The following HERC1 variants were observed in gnomAD, a reference collection of about 807,000 sequenced individuals.
The protein encoded by HERC1 is probable E3 ubiquitin-protein ligase HERC1.
HERC1 carries 160 observed loss-of-function variants against 554.3 expected under a neutral mutation model. That is an observed-to-expected ratio of 0.29 (90% CI 0.25 to 0.33). The LOEUF (loss-of-function observed/expected upper bound fraction) is 0.33, where lower values mean the gene tolerates loss of function less well. Ranked by LOEUF, HERC1 falls within the 10% of genes least tolerant of loss-of-function variation. The pLI, the probability that HERC1 is intolerant of heterozygous loss-of-function variation, is 1.00. For synonymous variants in HERC1, 2,175 were observed against 2,131.7 expected, an observed-to-expected ratio of 1.02 and a Z score of -0.56; for missense variants, 4,919 against 5,918.5, an observed-to-expected ratio of 0.83 and a Z score of 5.54.
chr15:63,827,108 T>C (rs565371356), intron 1 of HERC1, among the ~76,000 whole-genome samples: 1 of 151,944 alleles, frequency 6.6e-6, no homozygotes, highest in African/African-American at 2.4e-5. Flanking sequence ...TTAAGAAACA[T>C]CTACACAGTC....
At chr15:63,662,725 C>G (rs1393233161) in intron 44 of HERC1, among the ~76,000 whole-genome samples, 1 of 152,118 alleles carries the variant, frequency 6.6e-6, no homozygotes, top group Admixed American at 6.5e-5. Flanking sequence ...ACATCAGAAT[C>G]AAATATTACC....
intron 58 of HERC1, 150 bp downstream of exon 58, chr15:63,643,254 A>C (rs1321406164): frequency 4.6e-6 from 4 of 865,746 alleles, no homozygotes; most frequent in Non-Finnish European, 7.0e-6. Context: ...CAGTAAGAAA[A>C]ATGTAAGGGC....
At chr15:63,816,557 T>C (rs182325388) in intron 1 of HERC1, among the ~76,000 whole-genome samples, 103 of 152,352 alleles carry the variant, frequency 6.8e-4, no homozygotes, top group Non-Finnish European at 1.3e-3. Context: ...AGTGACCAGC[T>C]CCATACTCTA....
Position 63,609,031 on chromosome 15 carries a change from G to C in HERC1, c.*50C>G. The C allele has an allele frequency of 6.6e-7, 1 of 1,523,572 alleles. No homozygotes were observed. Among genetic ancestry groups the C allele is most frequent in the Non-Finnish European group, 9.0e-7 (1 of 1,113,474 alleles). 94.4% of individuals were successfully genotyped at this position (1,523,572 alleles called of 1,614,324 possible). A position where few individuals can be genotyped will look rare whatever the true frequency, so the allele number is the denominator to read the frequency against. ...ATAAAAGTATATCAACATCAAATCA[G>C]AAGTGAGCATTATTGAGGGAGAGAA... On this transcript the variant is annotated 3_prime_UTR_variant, in exon 78 of 78. Transcript: ENST00000443617.
chr15:63,652,328 CAAT>C (rs1244939683), intron 52 of HERC1, 83 bp downstream of exon 52: 2 of 1,281,968 alleles, frequency 1.6e-6, no homozygotes, highest in African/African-American at 3.0e-5. Context: ...ATTTTAGTGA[CAAT>C]ATGATTACAT....
Position 63,749,587 on chromosome 15 carries a change from T to C in HERC1, c.2048-49A>G. 2 of 1,572,550 alleles carry C rather than the reference T, an allele frequency of 1.3e-6. No individual in the cohort carries two copies. Among genetic ancestry groups the C allele is most frequent in the Non-Finnish European group, 1.7e-6 (2 of 1,160,714 alleles). ...ATATAAAAGAAAAGCCAAATTCAAA[T>C]GTAATATATTTACACAAGACAACAG... On this transcript the variant is annotated intron_variant, in intron 9 of 77. Coordinates refer to ENST00000443617, the MANE Select transcript of HERC1 (RefSeq NM_003922.4). The surrounding 1 kb of genome is among the most constrained non-coding windows in gnomAD (Gnocchi z 4.1).
chr15:63,788,679 G>A (rs1330090383), intron 1 of HERC1, among the ~76,000 whole-genome samples: 1 of 152,118 alleles, frequency 6.6e-6, no homozygotes, highest in Non-Finnish European at 1.5e-5. Flanking sequence ...CACTTTGGGA[G>A]GCTGAGGCAG....
intron 40 of HERC1, among the ~76,000 whole-genome samples, chr15:63,668,407 T>C (rs147067861): frequency 0.013 from 1,989 of 152,208 alleles, 23 homozygotes; most frequent in East Asian, 0.022. Flanking sequence ...GTGGGAGAAC[T>C]GCTTGAGCCC....
intron 54 of HERC1, among the ~76,000 whole-genome samples, chr15:63,649,236 C>G (rs1381598917): frequency 6.6e-6 from 1 of 152,090 alleles, no homozygotes; most frequent in Non-Finnish European, 1.5e-5. Context: ...GCCTGTAATC[C>G]CAGCTACTTG....
At chr15:63,638,322 G>A in intron 63 of HERC1, 89 bp downstream of exon 63, 1 of 1,320,596 alleles carries the variant, frequency 7.6e-7, no homozygotes, top group Non-Finnish European at 1.1e-6. Context: ...ATTATGAAAT[G>A]GACAAGCTTT....
Position 63,749,958 on chromosome 15 carries a change from C to T in HERC1, c.1903-167G>A, listed in dbSNP as rs2075180173. On this transcript the variant is annotated intron_variant, in intron 8 of 77. Transcript: ENST00000443617. This position sits in a 1 kb window ranked among gnomAD's most constrained non-coding sequence, Gnocchi z 4.1. ...AAGATTGTTACAGCGATTTATCATGCTGCCTTTAGGCATTCACTGTATAGG... is the reference window on the plus strand; with the variant it reads ...AAGATTGTTACAGCGATTTATCATGTTGCCTTTAGGCATTCACTGTATAGG... Among the ~76,000 whole-genome samples, 1 of 152,240 alleles carries T rather than the reference C, an allele frequency of 6.6e-6. No homozygotes were observed. Among genetic ancestry groups the T allele is most frequent in the African/African-American group, 2.4e-5 (1 of 41,462 alleles).
At chr15:63,684,914 C>G (rs2071666144) in intron 34 of HERC1, among the ~76,000 whole-genome samples, 1 of 152,202 alleles carries the variant, frequency 6.6e-6, no homozygotes, top group African/African-American at 2.4e-5. Flanking sequence ...GAGGCTGAGG[C>G]AGGAGAATCG....
At chr15:63,733,181 T>C in intron 13 of HERC1, 36 bp from the exon 14 acceptor site, 1 of 1,332,740 alleles carries the variant, frequency 7.5e-7, no homozygotes, top group East Asian at 2.3e-5. Flanking sequence ...GTAACTAGCG[T>C]AATATGCACT....
chr15:63,684,651 G>C (rs1428343914), intron 34 of HERC1, among the ~76,000 whole-genome samples: 1 of 152,126 alleles, frequency 6.6e-6, no homozygotes, highest in Non-Finnish European at 1.5e-5. Flanking sequence ...GAGTCGGGAG[G>C]GCATTAATGA....
At chr15:63,666,525 T>C (rs533938528) in intron 40 of HERC1, 53 bp from the exon 41 acceptor site, 14 of 1,162,052 alleles carry the variant, frequency 1.2e-5, no homozygotes, top group Non-Finnish European at 1.6e-5. Flanking sequence ...ATACCGTGAG[T>C]AAAAAGTGTC....
intron 10 of HERC1, 65 bp from the exon 11 acceptor site, chr15:63,747,923 A>T (rs370548000): frequency 2.8e-5 from 41 of 1,464,716 alleles, no homozygotes; most frequent in East Asian, 1.5e-4. Flanking sequence ...ACGATCAAAA[A>T]CGAAAATTAA....
chr15:63,728,136 A>AATTTACTCAAGAAATATTT (rs1314643364), intron 16 of HERC1, among the ~76,000 whole-genome samples: 5 of 152,044 alleles, frequency 3.3e-5, no homozygotes, highest in Non-Finnish European at 7.4e-5. Flanking sequence ...TTCATTTTAT[A>AATTTACTCAAGAAATATTT]ATTTACTCAA....
chr15:63,808,578 A>C (rs1287339475), intron 1 of HERC1, among the ~76,000 whole-genome samples: 1 of 152,200 alleles, frequency 6.6e-6, no homozygotes, highest in Non-Finnish European at 1.5e-5. Flanking sequence ...GAGCCACTGT[A>C]CACTGCTCAT....
intron 1 of HERC1, among the ~76,000 whole-genome samples, chr15:63,797,907 G>A (rs916165399): frequency 1.3e-5 from 2 of 152,154 alleles, no homozygotes; most frequent in African/African-American, 4.8e-5. Flanking sequence ...AAGGTGAATG[G>A]CAGAGTCAGG....
Sources: allele counts gnomAD v4.1 joint callset (sites outside exome capture counted in the v4.1 genomes callset), GRCh38; gene constraint gnomAD v4.1.1; non-coding constraint Gnocchi (gnomAD v3.1); transcripts MANE v1.5; gene names NCBI Gene and HGNC (gene_info 2026-07-23, HGNC 2026-07-21).